Variants in GPATCH2 observed in about 807,000 individuals in gnomAD.
GPATCH2 encodes G patch domain-containing protein 2.
GPATCH2 carries 51 observed loss-of-function variants against 58.0 expected under a neutral mutation model. The observed-to-expected ratio is 0.88, with a 90% CI of 0.70 to 1.11. The LOEUF (loss-of-function observed/expected upper bound fraction) is 1.11. GPATCH2 is among the 50% of genes most tolerant of loss of function. The pLI, the probability that GPATCH2 is intolerant of heterozygous loss-of-function variation, is 0.00. For missense variants in GPATCH2, 625 were observed against 652.2 expected, an observed-to-expected ratio of 0.96 and a Z score of 0.45; for synonymous variants, 222 against 218.5, an observed-to-expected ratio of 1.02 and a Z score of -0.14.
At chr1:217,608,508 C>A (rs1007553384) in intron 5 of GPATCH2, 2 of 984,856 alleles carry the variant, frequency 2.0e-6, no homozygotes, top group Non-Finnish European at 2.4e-6. Context: ...GTTGTAATAG[C>A]TTCTATAAAA....
chr1:217,607,026 G>A (rs1236624952), intron 5 of GPATCH2, among the ~76,000 whole-genome samples: 1 of 152,176 alleles, frequency 6.6e-6, no homozygotes, highest in Non-Finnish European at 1.5e-5. Context: ...GAATCAGAGT[G>A]TGGATTCACA....
At chr1:217,569,716 A>C (rs1439953820) in intron 5 of GPATCH2, among the ~76,000 whole-genome samples, 1 of 152,084 alleles carries the variant, frequency 6.6e-6, no homozygotes, top group Non-Finnish European at 1.5e-5. Flanking sequence ...AATTAAATGA[A>C]ATTAAATAAG....
intron 5 of GPATCH2, among the ~76,000 whole-genome samples, chr1:217,577,358 T>C (rs1408560746): frequency 1.3e-5 from 2 of 152,214 alleles, no homozygotes; most frequent in Admixed American, 6.5e-5. Context: ...TTTGACTCTA[T>C]GGAGACCTAG....
intron 8 of GPATCH2, among the ~76,000 whole-genome samples, chr1:217,478,838 C>T (rs901414040): frequency 2.0e-5 from 3 of 151,998 alleles, no homozygotes; most frequent in African/African-American, 7.2e-5. Context: ...TAATCAAACT[C>T]CCAAAGGTGA....
At chr1:217,614,250 C>T in intron 2 of GPATCH2, 48 bp from the exon 3 acceptor site, 1 of 1,078,228 alleles carries the variant, frequency 9.3e-7, no homozygotes, top group Non-Finnish European at 1.4e-6. Flanking sequence ...CAATTGATCT[C>T]TCAGTCGTAA....
intron 8 of GPATCH2, among the ~76,000 whole-genome samples, chr1:217,458,073 CA>C (rs1318560869): frequency 2.0e-5 from 3 of 152,028 alleles, no homozygotes; most frequent in Non-Finnish European, 2.9e-5. Flanking sequence ...TAAAAACACA[CA>C]AAAAAATTAG....
At chr1:217,585,670 A>G (rs1266718241) in intron 5 of GPATCH2, among the ~76,000 whole-genome samples, 1 of 152,178 alleles carries the variant, frequency 6.6e-6, no homozygotes, top group Non-Finnish European at 1.5e-5. Context: ...TGTAATAGCC[A>G]GAAACTTGTA....
chr1:217,434,668 CAGTA>C (rs1658726927), intron 9 of GPATCH2, among the ~76,000 whole-genome samples: 1 of 152,104 alleles, frequency 6.6e-6, no homozygotes, highest in Non-Finnish European at 1.5e-5. Flanking sequence ...TTTAAGAAAA[CAGTA>C]AGGCCAATTT....
chr1:217,617,702 C>A (rs947046518), intron 2 of GPATCH2, among the ~76,000 whole-genome samples: 2 of 152,108 alleles, frequency 1.3e-5, no homozygotes, highest in Admixed American at 1.3e-4. Context: ...GGAATTTGCA[C>A]CTAACTTTTA....
chr1:217,498,240 A>G (rs2102546851), intron 7 of GPATCH2, 116 bp downstream of exon 7: 1 of 837,482 alleles, frequency 1.2e-6, no homozygotes, highest in Non-Finnish European at 2.1e-6. Flanking sequence ...AACACCTTTT[A>G]AAATGAGCGG....
chr1:217,600,343 G>T (rs1668051261), intron 5 of GPATCH2, among the ~76,000 whole-genome samples: 1 of 152,016 alleles, frequency 6.6e-6, no homozygotes, highest in Non-Finnish European at 1.5e-5. Context: ...TAACTGGTTG[G>T]CATCCTCTAA....
intron 5 of GPATCH2, among the ~76,000 whole-genome samples, chr1:217,544,418 T>C (rs1402773660): frequency 6.6e-6 from 1 of 152,026 alleles, no homozygotes; most frequent in African/African-American, 2.4e-5. Context: ...AACCAAATTA[T>C]GTGATTCTCC....
In GPATCH2 at chr1:217,631,090, C is replaced by T; in HGVS notation, c.-119G>A. 1.0e-6 allele frequency: 1 copy of T among 1,004,564 alleles called. No homozygotes were observed. Among genetic ancestry groups the T allele is most frequent in the Non-Finnish European group, 1.5e-6 (1 of 685,422 alleles). 62.2% of individuals were successfully genotyped at this position (1,004,564 alleles called of 1,614,324 possible). On this transcript the variant is annotated 5_prime_UTR_variant, in exon 1 of 10. Coordinates refer to ENST00000366935, the MANE Select transcript of GPATCH2 (RefSeq NM_018040.5). ...TTTGAGATGAGCTTCCGGAAGCCGA[C>T]AGGCGGCGGAAACCGGATGCCCGGA...
At chr1:217,627,701 C>A (rs1243955921) in intron 1 of GPATCH2, among the ~76,000 whole-genome samples, 1 of 151,810 alleles carries the variant, frequency 6.6e-6, no homozygotes, top group Non-Finnish European at 1.5e-5. Flanking sequence ...CAAAATCAAA[C>A]CGTGAATGGC....
At chr1:217,612,214 A>T (rs1668670772) in intron 3 of GPATCH2, among the ~76,000 whole-genome samples, 1 of 152,046 alleles carries the variant, frequency 6.6e-6, no homozygotes, top group Non-Finnish European at 1.5e-5. Flanking sequence ...AAAGAAAAAC[A>T]GAAAGAAACA....
intron 5 of GPATCH2, among the ~76,000 whole-genome samples, chr1:217,560,149 C>A (rs1222478093): frequency 6.6e-6 from 1 of 152,108 alleles, no homozygotes; most frequent in South Asian, 2.1e-4. Flanking sequence ...GGCCAGAATG[C>A]CTTTTATTCT....
chr1:217,468,656 TA>T (rs1001239406), intron 8 of GPATCH2, among the ~76,000 whole-genome samples: 3 of 151,422 alleles, frequency 2.0e-5, no homozygotes, highest in African/African-American at 7.3e-5. Flanking sequence ...AATAAAACAA[TA>T]AAGGAAATGT....
intron 6 of GPATCH2, among the ~76,000 whole-genome samples, chr1:217,500,120 C>T (rs909190799): frequency 2.6e-5 from 4 of 151,988 alleles, no homozygotes; most frequent in Non-Finnish European, 5.9e-5. Context: ...CTTTTTGTTT[C>T]TCCTAAAGTT....
chr1:217,496,927 A>C (rs1320418328), intron 7 of GPATCH2, among the ~76,000 whole-genome samples: 1 of 152,162 alleles, frequency 6.6e-6, no homozygotes, highest in Non-Finnish European at 1.5e-5. Flanking sequence ...ATCAAAGTTT[A>C]AGTAAAAGCT....
Sources: allele counts gnomAD v4.1 joint callset (sites outside exome capture counted in the v4.1 genomes callset), GRCh38; gene constraint gnomAD v4.1.1; transcripts MANE v1.5; gene names NCBI Gene and HGNC (gene_info 2026-07-23, HGNC 2026-07-21).